CACNA2D3: variants seen among roughly 807,000 people sequenced by gnomAD.
The protein encoded by CACNA2D3 is voltage-dependent calcium channel subunit alpha-2/delta-3.
CACNA2D3 carries 60 observed loss-of-function variants against 160.6 expected under a neutral mutation model. The observed-to-expected ratio is 0.37, with a 90% CI of 0.30 to 0.46. The LOEUF is 0.46. Among genes scored for constraint, CACNA2D3 ranks in the 20% least tolerant of loss-of-function variants. The probability of loss-of-function intolerance (pLI) is 1.00; values close to 1 mark genes in which losing one functional copy is unlikely to be tolerated. For synonymous variants in CACNA2D3, 558 were observed against 492.9 expected (o/e 1.13, Z -1.75); for missense variants, 1,205 against 1,365.0 (o/e 0.88, Z 1.85).
chr3:54,839,164 A>G (rs1698764779), intron 16 of CACNA2D3, among the ~76,000 whole-genome samples: 2 of 152,292 alleles, frequency 1.3e-5, no homozygotes, highest in Admixed American at 6.5e-5. Context: ...AGGCTGAGGC[A>G]GGAGAATGGC....
chr3:54,690,493 CATT>C (rs1486462615), intron 11 of CACNA2D3, among the ~76,000 whole-genome samples: 2 of 152,144 alleles, frequency 1.3e-5, no homozygotes, highest in African/African-American at 2.4e-5. Flanking sequence ...CTGAATGAAT[CATT>C]ATCATCATCA....
intron 13 of CACNA2D3, among the ~76,000 whole-genome samples, chr3:54,815,398 G>C (rs1703426473): frequency 6.6e-6 from 1 of 152,164 alleles, no homozygotes; most frequent in South Asian, 2.1e-4. Flanking sequence ...CATCCACAGG[G>C]GCAGGGGTTT....
chr3:54,918,637 G>A lies in CACNA2D3; in HGVS notation c.2449+18769G>A, dbSNP rs1305031925. 3.1e-6 allele frequency: 5 copies of A among 1,614,030 alleles called. No homozygotes were observed. In the African/African-American group the frequency reaches 5.3e-5, roughly 17 times the overall value. On this transcript the variant is annotated intron_variant, in intron 27 of 37. Transcript: ENST00000474759. ...CACAACGCCAGTGATGATGACAGTG[G>A]CAATGGCATGACGCAGGTTGGCCGG...
intron 29 of CACNA2D3, among the ~76,000 whole-genome samples, chr3:54,980,646 C>T: frequency 6.6e-6 from 1 of 152,154 alleles, no homozygotes; most frequent in East Asian, 1.9e-4. Context: ...GGTGCCGAGC[C>T]TAGGACACCA....
intron 4 of CACNA2D3, among the ~76,000 whole-genome samples, chr3:54,481,527 A>G (rs1405546162): frequency 6.6e-6 from 1 of 152,184 alleles, no homozygotes; most frequent in Non-Finnish European, 1.5e-5. Flanking sequence ...AGCGTGTGAA[A>G]TGATTGGTAA....
At chr3:54,872,254 C>G (rs1489002247) in intron 18 of CACNA2D3, among the ~76,000 whole-genome samples, 1 of 152,142 alleles carries the variant, frequency 6.6e-6, no homozygotes, top group Non-Finnish European at 1.5e-5. Context: ...ATGACTTAAC[C>G]CTGTCAGGTC....
intron 12 of CACNA2D3, among the ~76,000 whole-genome samples, chr3:54,760,236 C>T (rs2107085710): frequency 2.7e-3 from 1 of 364 alleles, no homozygotes; most frequent in African/African-American, 0.011. Context: ...CAGGGAGGGC[C>T]TCTCTGATCT....
chr3:54,134,692 T>G (rs1699784742), intron 2 of CACNA2D3, among the ~76,000 whole-genome samples: 1 of 152,242 alleles, frequency 6.6e-6, no homozygotes, highest in African/African-American at 2.4e-5. Context: ...CCCACAACCC[T>G]TGCAGTGCCA....
chr3:54,961,646 G>A (rs1340880252), intron 27 of CACNA2D3, among the ~76,000 whole-genome samples: 1 of 152,060 alleles, frequency 6.6e-6, no homozygotes, highest in African/African-American at 2.4e-5. Flanking sequence ...GAAGTTTTGT[G>A]GGCAGGTGGC....
intron 11 of CACNA2D3, 130 bp downstream of exon 11, chr3:54,642,371 G>A (rs1194629449): frequency 1.9e-6 from 1 of 528,734 alleles, no homozygotes; most frequent in East Asian, 3.4e-5. Context: ...TCAGCCTTGT[G>A]TTTTTTGGTT....
At position 54,461,323 on chromosome 3, in the gene CACNA2D3, A is replaced by G. The variant is rs1016311917; in HGVS notation, c.382-42169A>G. Among the ~76,000 whole-genome samples the G allele has an allele frequency of 6.7e-5, 10 of 150,144 alleles. 1 individual carries two copies. Among genetic ancestry groups the G allele is most frequent in the South Asian group, 2.1e-4 (1 of 4,732 alleles). ...GTTAGGGAGGATTCCCTCTTTTTCT[A>G]TTGATTGGAATAGTTTCAGAAGGAA... On this transcript the variant is annotated intron_variant, in intron 4 of 37. Coordinates refer to ENST00000474759, the MANE Select transcript of CACNA2D3 (RefSeq NM_018398.3).
intron 3 of CACNA2D3, among the ~76,000 whole-genome samples, chr3:54,339,795 C>G (rs965549135): frequency 6.6e-6 from 1 of 152,148 alleles, no homozygotes; most frequent in Non-Finnish European, 1.5e-5. Flanking sequence ...ACAGGATGCA[C>G]TCTAGTGGGT....
At chr3:54,616,371 C>A (rs905501877) in intron 9 of CACNA2D3, among the ~76,000 whole-genome samples, 2 of 152,200 alleles carry the variant, frequency 1.3e-5, no homozygotes, top group Non-Finnish European at 2.9e-5. Flanking sequence ...TGGCATCTCC[C>A]CAGGGCTGCT....
At chr3:54,679,898 CTT>C (rs1225338777) in intron 11 of CACNA2D3, among the ~76,000 whole-genome samples, 1 of 152,206 alleles carries the variant, frequency 6.6e-6, no homozygotes, top group African/African-American at 2.4e-5. Context: ...AAGTTTGAAA[CTT>C]TTAAAATGCT....
chr3:54,805,428 A>T (rs930519587), intron 13 of CACNA2D3, among the ~76,000 whole-genome samples: 1 of 152,208 alleles, frequency 6.6e-6, no homozygotes, highest in Non-Finnish European at 1.5e-5. Flanking sequence ...AAACACCTCT[A>T]TGCAAATAAA....
chr3:54,571,148 TTGAG>T (rs1186453039), intron 8 of CACNA2D3, among the ~76,000 whole-genome samples: 1 of 152,080 alleles, frequency 6.6e-6, no homozygotes, highest in East Asian at 1.9e-4. Context: ...TGACAATTGG[TTGAG>T]TTTTTCTAAA....
intron 11 of CACNA2D3, among the ~76,000 whole-genome samples, chr3:54,672,525 G>A (rs568755544): frequency 1.2e-3 from 190 of 152,268 alleles, no homozygotes; most frequent in African/African-American, 4.3e-3. Flanking sequence ...TCATTTTAGG[G>A]GTTGTTTCCA....
intron 17 of CACNA2D3, among the ~76,000 whole-genome samples, chr3:54,859,972 G>GCGCGCGCGCACACA (rs535185040): frequency 5.5e-4 from 74 of 133,880 alleles, no homozygotes; most frequent in African/African-American, 2.0e-3. Flanking sequence ...GAAAGTAGAT[G>GCGCGCGCGCACACA]CACACACACA....
intron 18 of CACNA2D3, among the ~76,000 whole-genome samples, chr3:54,873,761 G>A (rs1286934947): frequency 1.3e-5 from 2 of 152,076 alleles, no homozygotes; most frequent in Non-Finnish European, 1.5e-5. Context: ...TTAACTTGTC[G>A]CCTTGGAATA....
Sources: gnomAD v4.1 joint callset for allele counts (sites outside exome capture counted in the v4.1 genomes callset) on GRCh38, gnomAD v4.1.1 for gene constraint, MANE v1.5 for transcripts, NCBI Gene and HGNC (gene_info 2026-07-23, HGNC 2026-07-21) for gene names.